Variants in ORC2 observed in about 807,000 individuals in gnomAD.
ORC2 encodes the protein origin recognition complex protein 2 homolog.
ORC2 carries 37 observed loss-of-function variants against 77.7 expected under a neutral mutation model. The observed-to-expected ratio is 0.48, with a 90% CI of 0.37 to 0.63. The LOEUF is 0.63. ORC2 is among the 20% of genes least tolerant of loss of function. The pLI is 0.00. For missense variants in ORC2, 557 were observed against 661.9 expected, an observed-to-expected ratio of 0.84 and a Z score of 1.74; for synonymous variants, 201 against 229.5, an observed-to-expected ratio of 0.88 and a Z score of 1.12.
chr2:200,920,269 T>A lies in ORC2; in HGVS notation c.1419A>T (p.Pro473=). The change falls in exon 15 of 18, where the codon CCA becomes CCT. Residue 473 remains proline, a synonymous_variant. Coordinates refer to ENST00000234296, the MANE Select transcript of ORC2 (RefSeq NM_006190.5). The part of the protein sequence containing the change: ...SLLVKQSGSL[P]LSSLTHVLRS... ...GTAAGACATGAGTAAGGGAGCTAAG[T>A]GGCAGGGATCCAGACTGCTTTACCA... The A allele has an allele frequency of 6.2e-7, 1 of 1,613,960 alleles. No individual in the cohort carries two copies. Among genetic ancestry groups the A allele is most frequent in the Non-Finnish European group, 8.5e-7 (1 of 1,179,888 alleles).
chr2:200,963,314 G>C (rs932872415), intron 1 of ORC2, 176 bp downstream of exon 1: 11 of 396,956 alleles, frequency 2.8e-5, no homozygotes, highest in Admixed American at 1.3e-4. Flanking sequence ...GCAGCCTGCG[G>C]GGGGCAGCGA....
At chr2:200,912,706 C>A (rs1459236365) in intron 17 of ORC2, among the ~76,000 whole-genome samples, 1 of 152,202 alleles carries the variant, frequency 6.6e-6, no homozygotes, top group Non-Finnish European at 1.5e-5. Flanking sequence ...AGGCGTGAGC[C>A]ACCACGCCTG....
At chr2:200,958,312 T>C (rs2041511039) in intron 2 of ORC2, among the ~76,000 whole-genome samples, 179 bp from the exon 3 acceptor site, 2 of 152,212 alleles carry the variant, frequency 1.3e-5, no homozygotes, top group South Asian at 4.1e-4. Context: ...CTCAATTCTT[T>C]ATCTAAAAAA....
chr2:200,941,560 A>G (rs1352592835), intron 6 of ORC2, among the ~76,000 whole-genome samples: 1 of 151,754 alleles, frequency 6.6e-6, no homozygotes, highest in East Asian at 1.9e-4. Context: ...TTACTGAATT[A>G]TAAATTAATT....
At chr2:200,951,545 T>A (rs2041357079) in intron 4 of ORC2, among the ~76,000 whole-genome samples, 1 of 152,224 alleles carries the variant, frequency 6.6e-6, no homozygotes, top group South Asian at 2.1e-4. Context: ...GTGTTTTGGA[T>A]TTTGGCTATT....
intron 7 of ORC2, among the ~76,000 whole-genome samples, chr2:200,939,240 A>G (rs1268364428): frequency 1.3e-5 from 2 of 152,142 alleles, no homozygotes; most frequent in African/African-American, 4.8e-5. Context: ...TCATTTGTTA[A>G]AAATGCAGTT....
At chr2:200,952,283 G>A (rs571755285) in intron 4 of ORC2, among the ~76,000 whole-genome samples, 14 of 151,530 alleles carry the variant, frequency 9.2e-5, no homozygotes, top group South Asian at 4.2e-4. Flanking sequence ...TTTTTGAGAC[G>A]GAGTCTCACT....
Position 200,911,167 on chromosome 2 carries a change from C to T in ORC2, c.*134G>A. 1.6e-6 allele frequency: 1 copy of T among 624,866 alleles called. No homozygotes were observed. Among genetic ancestry groups the T allele is most frequent in the East Asian group, 2.8e-5 (1 of 35,302 alleles). 38.7% of individuals were successfully genotyped at this position (624,866 alleles called of 1,614,324 possible). On this transcript the variant is annotated 3_prime_UTR_variant, in exon 18 of 18. Coordinates refer to ENST00000234296, the MANE Select transcript of ORC2 (RefSeq NM_006190.5). ...TCAAAAAGTTCTAATTGAGGACATC[C>T]CCCCCTTCCCAAATTTAAATCTTGT...
At chr2:200,955,434 ATAAG>A (rs1484164400) in intron 4 of ORC2, among the ~76,000 whole-genome samples, 1 of 152,218 alleles carries the variant, frequency 6.6e-6, no homozygotes, top group Non-Finnish European at 1.5e-5. Context: ...CATTAATATA[ATAAG>A]TAATAGGCAC....
chr2:200,949,427 C>T (rs2041310646), intron 5 of ORC2, 127 bp downstream of exon 5: 3 of 609,906 alleles, frequency 4.9e-6, no homozygotes, highest in South Asian at 2.0e-5. Flanking sequence ...CTCATTATTC[C>T]CTAAACCATA....
At chr2:200,931,040 G>A (rs2040929423) in intron 11 of ORC2, among the ~76,000 whole-genome samples, 1 of 151,528 alleles carries the variant, frequency 6.6e-6, no homozygotes, top group Admixed American at 6.6e-5. Context: ...TCTTGACAAA[G>A]GAAATATTCA....
intron 15 of ORC2, among the ~76,000 whole-genome samples, chr2:200,919,005 A>G (rs1559005644): frequency 2.0e-5 from 3 of 151,972 alleles, no homozygotes; most frequent in Admixed American, 6.6e-5. Flanking sequence ...AATTTTTAAA[A>G]TTTTTTGTAG....
At chr2:200,920,160 C>T in intron 15 of ORC2, 62 bp downstream of exon 15, 1 of 1,286,256 alleles carries the variant, frequency 7.8e-7, no homozygotes, top group Non-Finnish European at 1.1e-6. Context: ...CCCATTAAAA[C>T]CTAGTAGTAC....
At chr2:200,960,882 T>C (rs1559027292) in intron 1 of ORC2, among the ~76,000 whole-genome samples, 1 of 151,046 alleles carries the variant, frequency 6.6e-6, no homozygotes, top group Non-Finnish European at 1.5e-5. Context: ...GTTCAAGAGA[T>C]CCTCCTGCCT....
chr2:200,913,259 T>C (rs762057537), intron 17 of ORC2, 36 bp downstream of exon 17: 4 of 1,484,390 alleles, frequency 2.7e-6, no homozygotes, highest in South Asian at 1.2e-5. Flanking sequence ...ATACGGACTA[T>C]TCCTGGCATA....
intron 12 of ORC2, among the ~76,000 whole-genome samples, 186 bp from the exon 13 acceptor site, chr2:200,926,118 G>A (rs2040833990): frequency 6.6e-6 from 1 of 152,046 alleles, no homozygotes; most frequent in African/African-American, 2.4e-5. Flanking sequence ...CTAAGTTGTG[G>A]CTAAAAGAAA....
rs894999035 is a variant in ORC2 at position 200,928,422 on chromosome 2, C to T, written c.918-1522G>A. Among the ~76,000 whole-genome samples, 5 of 152,018 alleles carry T rather than the reference C, an allele frequency of 3.3e-5. No individual in the cohort carries two copies. In the South Asian group the frequency reaches 6.2e-4, roughly 19 times the overall value. ...AAGGCACAATTTTATTATCTGTATA[C>T]CAAGCTTCTAGTTCTAATTTGTTCA... On this transcript the variant is annotated intron_variant, in intron 11 of 17. Coordinates refer to ENST00000234296, the MANE Select transcript of ORC2 (RefSeq NM_006190.5).
intron 10 of ORC2, among the ~76,000 whole-genome samples, chr2:200,932,436 T>A (rs945635973): frequency 6.7e-6 from 1 of 149,406 alleles, no homozygotes; most frequent in African/African-American, 2.5e-5. Context: ...ACCTCCCAGG[T>A]TCAAGCGATT....
Position 200,910,539 on chromosome 2 carries a change from T to C in ORC2, c.*762A>G, listed in dbSNP as rs2040533353. ...CTTGAAAACAATTACTAAAATGTAA[T>C]TCAGGATTTTATTTCTCTAGCCTGG... On this transcript the variant is annotated 3_prime_UTR_variant, in exon 18 of 18. Coordinates refer to ENST00000234296, the MANE Select transcript of ORC2 (RefSeq NM_006190.5). 6.6e-6 allele frequency: 1 copy of C among 152,196 alleles called. No individual in the cohort carries two copies. The highest frequency in any genetic ancestry group is 1.5e-5 in the Non-Finnish European group (1 of 68,028). 9.4% of individuals were successfully genotyped at this position (152,196 alleles called of 1,614,324 possible). A position where few individuals can be genotyped will look rare whatever the true frequency, so the allele number is the denominator to read the frequency against.
Sources: gnomAD v4.1 joint callset for allele counts (sites outside exome capture counted in the v4.1 genomes callset) on GRCh38, gnomAD v4.1.1 for gene constraint, MANE v1.5 for transcripts, NCBI Gene and HGNC (gene_info 2026-07-23, HGNC 2026-07-21) for gene names.